Variants in ANO10 observed in about 807,000 individuals in gnomAD.
ANO10 encodes anoctamin-10.
Under a neutral mutation model 74.7 loss-of-function variants are expected in ANO10, and 77 were observed. The observed-to-expected ratio is 1.03, with a 90% CI of 0.86 to 1.25. The LOEUF (loss-of-function observed/expected upper bound fraction) is 1.25, where lower values mean the gene tolerates loss of function less well. ANO10 is among the 50% of genes most tolerant of loss of function. The pLI, the probability that ANO10 is intolerant of heterozygous loss-of-function variation, is 0.00. For synonymous variants in ANO10, 279 were observed against 284.9 expected (o/e 0.98, Z 0.21); for missense variants, 721 against 778.1 (o/e 0.93, Z 0.87).
chr3:43,616,948 G>C (rs144038126), intron 1 of ANO10, among the ~76,000 whole-genome samples: 5 of 151,532 alleles, frequency 3.3e-5, no homozygotes, highest in African/African-American at 9.7e-5. Context: ...CATGCAGCAG[G>C]GTTATGGATG....
intron 12 of ANO10, among the ~76,000 whole-genome samples, chr3:43,368,586 T>C (rs144554015): frequency 9.2e-5 from 14 of 152,272 alleles, no homozygotes; most frequent in African/African-American, 3.1e-4. Context: ...ACTACAGATA[T>C]AAAATATCAC....
chr3:43,456,127 C>T (rs1471112990), intron 11 of ANO10, among the ~76,000 whole-genome samples: 1 of 152,146 alleles, frequency 6.6e-6, no homozygotes, highest in African/African-American at 2.4e-5. Context: ...AACCTGGGCT[C>T]AGCAGGTGAG....
intron 4 of ANO10, among the ~76,000 whole-genome samples, chr3:43,583,200 T>A (rs2081338148): frequency 6.6e-6 from 1 of 152,086 alleles, no homozygotes; most frequent in Admixed American, 6.5e-5. Flanking sequence ...AAGTCATGGT[T>A]CTGTTTTCAG....
Position 43,555,351 on chromosome 3 carries a change from GA to G in ANO10, c.1594del (p.Ser532GlnfsTer4). 1 of 1,614,136 alleles carries G rather than the reference GA, an allele frequency of 6.2e-7. No individual in the cohort carries two copies. Among genetic ancestry groups the G allele is most frequent in the Non-Finnish European group, 8.5e-7 (1 of 1,180,018 alleles). On this transcript the variant is annotated frameshift_variant, in exon 10 of 13. Coordinates refer to ENST00000292246, the MANE Select transcript of ANO10 (RefSeq NM_018075.5). LOFTEE classifies it high-confidence loss of function. ...GACCCTGCACATTTTTAAGGCATCT[GA>G]ATTTACTTCAGTGAAGTTATTTAAC... is the stretch of plus-strand genomic sequence containing the variant. ...AVLNNFTEVN[S>X]DALKMCRVFK...
At chr3:43,396,004 T>A (rs1238776283) in intron 12 of ANO10, among the ~76,000 whole-genome samples, 2 of 152,194 alleles carry the variant, frequency 1.3e-5, no homozygotes, top group Non-Finnish European at 2.9e-5. Context: ...CAGATGATCA[T>A]GTCATTTGTG....
intron 11 of ANO10, among the ~76,000 whole-genome samples, chr3:43,483,761 C>A (rs1348706165): frequency 6.6e-6 from 1 of 152,118 alleles, no homozygotes; most frequent in Non-Finnish European, 1.5e-5. Context: ...TAAATCAATA[C>A]ATGGAAGGTG....
chr3:43,649,699 G>A (rs979771966), intron 1 of ANO10, among the ~76,000 whole-genome samples: 1 of 152,222 alleles, frequency 6.6e-6, no homozygotes, highest in African/African-American at 2.4e-5. Context: ...GCTAATAGGA[G>A]ACAGAGTTGG....
chr3:43,657,724 C>T (rs1342123194), intron 1 of ANO10, among the ~76,000 whole-genome samples: 1 of 152,216 alleles, frequency 6.6e-6, no homozygotes, highest in Non-Finnish European at 1.5e-5. Flanking sequence ...TATCCAGCCT[C>T]CTAGCCATTC....
At chr3:43,544,295 T>G (rs1218761590) in intron 11 of ANO10, among the ~76,000 whole-genome samples, 1 of 152,136 alleles carries the variant, frequency 6.6e-6, no homozygotes, top group Non-Finnish European at 1.5e-5. Context: ...ATTACATTGG[T>G]AGGCTATTCT....
intron 12 of ANO10, among the ~76,000 whole-genome samples, chr3:43,403,858 C>G (rs982696813): frequency 6.6e-6 from 1 of 152,122 alleles, no homozygotes. Flanking sequence ...GGTGGACACA[C>G]CCTAGGGTAA....
intron 11 of ANO10, among the ~76,000 whole-genome samples, chr3:43,508,977 T>C (rs1414711523): frequency 7.2e-6 from 1 of 139,570 alleles, no homozygotes; most frequent in African/African-American, 2.7e-5. Context: ...AAAAGAAATC[T>C]ACAAAGAAAA....
At chr3:43,376,322 T>A (rs899309231) in intron 12 of ANO10, among the ~76,000 whole-genome samples, 1 of 152,156 alleles carries the variant, frequency 6.6e-6, no homozygotes, top group Admixed American at 6.5e-5. Flanking sequence ...CATCCTGATA[T>A]GAGCATGGAG....
At chr3:43,564,421 GA>G (rs1381912828) in intron 8 of ANO10, among the ~76,000 whole-genome samples, 4 of 150,606 alleles carry the variant, frequency 2.7e-5, no homozygotes, top group Admixed American at 6.6e-5. Flanking sequence ...AAAAAAAATA[GA>G]AAAAAAGAGC....
rs1005122966 is a variant in ANO10 at position 43,653,050 on chromosome 3, CA to C, written c.-12+38466del. 2.2e-3 allele frequency: 322 copies of C among 143,778 alleles called. 1 individual carries two copies. The highest frequency in any genetic ancestry group is 3.5e-3 in the Middle Eastern group (1 of 284). 8.9% of individuals were successfully genotyped at this position (143,778 alleles called of 1,614,324 possible). A position where few individuals can be genotyped will look rare whatever the true frequency, so the allele number is the denominator to read the frequency against. On this transcript the variant is annotated intron_variant, in intron 1 of 3. Transcript: ENST00000413397. Reference sequence around the variant, plus strand: ...TGAAACCCCATCTCTACTAAAAATACAAAAAAAAAAATTAGCTGAGCATGGT... The same window carrying C: ...TGAAACCCCATCTCTACTAAAAATACAAAAAAAAAATTAGCTGAGCATGGT...
At position 43,577,021 on chromosome 3, in the gene ANO10, T is replaced by C. The variant is rs367711525; in HGVS notation, c.833A>G (p.Lys278Arg). Residue 278 changes from lysine to arginine, a missense_variant, in exon 6 of 13, where the codon AAG becomes AGG. Transcript: ENST00000292246. ...TGGCCGGGGCTCCTCAAACTTTCTCTTCATGAGCAGTGTCCCCCACCTGTA... is the reference window on the plus strand; with the variant it reads ...TGGCCGGGGCTCCTCAAACTTTCTCCTCATGAGCAGTGTCCCCCACCTGTA... ...MTYRWGTLLM[K>R]RKFEEPRPGF... 4 of 1,614,116 alleles carry C rather than the reference T, an allele frequency of 2.5e-6. No individual in the cohort carries two copies. Among genetic ancestry groups the C allele is most frequent in the Non-Finnish European group, 3.4e-6 (4 of 1,179,972 alleles).
chr3:43,591,484 T>A (rs574991822), intron 4 of ANO10, among the ~76,000 whole-genome samples: 1 of 152,194 alleles, frequency 6.6e-6, no homozygotes, highest in Non-Finnish European at 1.5e-5. Context: ...GCTCCCCAGG[T>A]CAGAGAACAA....
At chr3:43,532,014 T>C (rs1002218062) in intron 11 of ANO10, among the ~76,000 whole-genome samples, 23 of 152,164 alleles carry the variant, frequency 1.5e-4, no homozygotes, top group African/African-American at 4.1e-4. Flanking sequence ...CCCGTCCACA[T>C]TGCCAAGCAG....
chr3:43,583,439 G>A (rs771828306), intron 4 of ANO10, among the ~76,000 whole-genome samples: 1 of 152,164 alleles, frequency 6.6e-6, no homozygotes, highest in Non-Finnish European at 1.5e-5. Context: ...CCATTGAACC[G>A]TGAGCCAAAC....
At chr3:43,473,721 T>A (rs1185231696) in intron 11 of ANO10, among the ~76,000 whole-genome samples, 1 of 152,192 alleles carries the variant, frequency 6.6e-6, no homozygotes, top group Non-Finnish European at 1.5e-5. Context: ...AAATTCTTTG[T>A]TGTGGGGAGC....
Sources: gnomAD v4.1 joint callset for allele counts (sites outside exome capture counted in the v4.1 genomes callset) on GRCh38, gnomAD v4.1.1 for gene constraint, MANE v1.5 for transcripts, NCBI Gene and HGNC (gene_info 2026-07-23, HGNC 2026-07-21) for gene names.